The following CDH13 variants were observed in gnomAD, a reference collection of about 807,000 sequenced individuals.
CDH13 encodes the protein cadherin 13.
In CDH13, 24 loss-of-function variants were observed where a neutral mutation model predicts 63.8. The observed-to-expected ratio is 0.38, with a 90% CI of 0.27 to 0.53. The LOEUF is 0.53. CDH13 is among the 20% of genes least tolerant of loss of function. The pLI, the probability that CDH13 is intolerant of heterozygous loss-of-function variation, is 0.85. For synonymous variants in CDH13, 503 were observed against 355.3 expected (o/e 1.42, Z -4.67); for missense variants, 1,049 against 903.1 (o/e 1.16, Z -2.07).
chr16:82,766,121 C>G (rs1010066908), intron 1 of CDH13, among the ~76,000 whole-genome samples: 2 of 152,168 alleles, frequency 1.3e-5, no homozygotes, highest in African/African-American at 4.8e-5. Context: ...ACTTCTGTTT[C>G]CAGAAGCCCA....
At chr16:83,517,432 G>C (rs1054293410) in intron 7 of CDH13, among the ~76,000 whole-genome samples, 2 of 152,200 alleles carry the variant, frequency 1.3e-5, no homozygotes, top group African/African-American at 4.8e-5. Context: ...TAGTCATTAA[G>C]GGATCCAGGC....
At chr16:83,494,738 A>G (rs1412282614) in intron 7 of CDH13, among the ~76,000 whole-genome samples, 1 of 152,230 alleles carries the variant, frequency 6.6e-6, no homozygotes, top group Non-Finnish European at 1.5e-5. Context: ...ATGATAGACC[A>G]TTTCAAGACA....
At chr16:83,161,344 G>C (rs78426315) in intron 4 of CDH13, among the ~76,000 whole-genome samples, 5,617 of 149,434 alleles carry the variant, frequency 0.038, 127 homozygotes, top group East Asian at 0.1. Context: ...CTATATTAAA[G>C]AAATCATCAA....
chr16:83,205,621 T>C (rs74752644), intron 4 of CDH13, among the ~76,000 whole-genome samples: 1 of 150,186 alleles, frequency 6.7e-6, no homozygotes, highest in Admixed American at 6.6e-5. Context: ...TTTTTTTTTT[T>C]TTGAGACAAA....
At chr16:83,716,520 G>C (rs1290879525) in intron 10 of CDH13, among the ~76,000 whole-genome samples, 1 of 152,070 alleles carries the variant, frequency 6.6e-6, no homozygotes, top group Non-Finnish European at 1.5e-5. Context: ...GTCTTGCTCT[G>C]TCACCCAGGC....
chr16:83,411,510 A>G (rs1200453440), intron 6 of CDH13, among the ~76,000 whole-genome samples: 2 of 152,238 alleles, frequency 1.3e-5, no homozygotes, highest in Non-Finnish European at 2.9e-5. Context: ...CACATAGTCA[A>G]TGAATATTCA....
chr16:82,662,482 T>G (rs1912067161), intron 1 of CDH13, among the ~76,000 whole-genome samples: 1 of 152,176 alleles, frequency 6.6e-6, no homozygotes, highest in Non-Finnish European at 1.5e-5. Flanking sequence ...TCTCTTTGCC[T>G]CTTTAGAGAC....
intron 1 of CDH13, among the ~76,000 whole-genome samples, chr16:82,813,249 A>G (rs2037534707): frequency 6.6e-6 from 1 of 152,152 alleles, no homozygotes; most frequent in Non-Finnish European, 1.5e-5. Flanking sequence ...CAATAAAAAA[A>G]ATAAGGGTGT....
chr16:82,748,621 A>C (rs2034282486), intron 1 of CDH13, among the ~76,000 whole-genome samples: 1 of 152,162 alleles, frequency 6.6e-6, no homozygotes, highest in African/African-American at 2.4e-5. Flanking sequence ...ATCAAAGAGA[A>C]AACTCTAAAC....
intron 1 of CDH13, among the ~76,000 whole-genome samples, chr16:82,708,231 G>A (rs1163076704): frequency 1.3e-5 from 2 of 152,204 alleles, no homozygotes; most frequent in African/African-American, 4.8e-5. Flanking sequence ...AGCTGTGAGT[G>A]ACGCTGCGAA....
chr16:83,646,678 G>C (rs1871103933), intron 8 of CDH13, among the ~76,000 whole-genome samples: 1 of 109,898 alleles, frequency 9.1e-6, no homozygotes, highest in East Asian at 3.1e-4. Context: ...GGTGACAAGA[G>C]CAAGACTCCG....
At chr16:82,753,699 C>A (rs2034507542) in intron 1 of CDH13, among the ~76,000 whole-genome samples, 1 of 152,192 alleles carries the variant, frequency 6.6e-6, no homozygotes. Context: ...GTCACTGATT[C>A]TCCCTCATCT....
chr16:83,740,293 G>A (rs1911938899), intron 10 of CDH13, among the ~76,000 whole-genome samples: 1 of 151,878 alleles, frequency 6.6e-6, no homozygotes, highest in African/African-American at 2.4e-5. Flanking sequence ...TTAAGCCGGG[G>A]ATTCACACTC....
chr16:82,863,684 A>C (rs1419378090), intron 2 of CDH13, among the ~76,000 whole-genome samples: 1 of 152,206 alleles, frequency 6.6e-6, no homozygotes, highest in African/African-American at 2.4e-5. Flanking sequence ...TTCTGCTGTT[A>C]CTATTATTAT....
At chr16:83,512,995 A>G (rs1343555015) in intron 7 of CDH13, among the ~76,000 whole-genome samples, 3 of 149,860 alleles carry the variant, frequency 2.0e-5, no homozygotes, top group Non-Finnish European at 4.4e-5. Context: ...AAATCCAGGA[A>G]GTATTTCGCA....
intron 3 of CDH13, among the ~76,000 whole-genome samples, chr16:83,118,609 G>C (rs189150484): frequency 2.6e-5 from 4 of 152,098 alleles, no homozygotes; most frequent in Non-Finnish European, 4.4e-5. Flanking sequence ...CACTTCCTCC[G>C]TCCTGGTGTT....
intron 7 of CDH13, among the ~76,000 whole-genome samples, chr16:83,573,425 G>A (rs1359698040): frequency 2.0e-5 from 3 of 152,198 alleles, no homozygotes; most frequent in Admixed American, 2.0e-4. Flanking sequence ...CACTGAACCT[G>A]TGGAAGGTAA....
chr16:82,693,768 A>G (rs2029921199), intron 1 of CDH13, among the ~76,000 whole-genome samples: 1 of 152,210 alleles, frequency 6.6e-6, no homozygotes, highest in Non-Finnish European at 1.5e-5. Flanking sequence ...ATGGAATGAT[A>G]GGAGTAGAGC....
chr16:83,541,956 G>A (rs1054770116), intron 7 of CDH13, among the ~76,000 whole-genome samples: 1 of 152,188 alleles, frequency 6.6e-6, no homozygotes, highest in African/African-American at 2.4e-5. Context: ...CAAGTGTCCA[G>A]CATTTGGAAG....
Sources: gnomAD v4.1 joint callset for allele counts (sites outside exome capture counted in the v4.1 genomes callset) on GRCh38, gnomAD v4.1.1 for gene constraint, MANE v1.5 for transcripts, NCBI Gene and HGNC (gene_info 2026-07-23, HGNC 2026-07-21) for gene names.